Variants in CHSY3 observed in about 807,000 individuals in gnomAD.
The protein encoded by CHSY3 is N-acetylgalactosaminyl-proteoglycan 3-beta-glucuronosyltransferase 3.
CHSY3 carries 35 observed loss-of-function variants against 67.2 expected under a neutral mutation model. The observed-to-expected ratio is 0.52, with a 90% CI of 0.40 to 0.69. The LOEUF (loss-of-function observed/expected upper bound fraction) is 0.69. Ranked by LOEUF, CHSY3 falls within the 30% of genes least tolerant of loss-of-function variation. CHSY3 has a pLI of 0.00. For synonymous variants in CHSY3, 474 were observed against 434.7 expected, an observed-to-expected ratio of 1.09 and a Z score of -1.12; for missense variants, 1,069 against 1,138.5, an observed-to-expected ratio of 0.94 and a Z score of 0.88.
rs373598563 is a variant in CHSY3 at position 130,133,891 on chromosome 5, C to A, written c.1087-50338C>A. 9.3e-5 allele frequency among the ~76,000 whole-genome samples: 14 copies of A among 150,864 alleles called. No homozygotes were observed. In the South Asian group the frequency reaches 2.9e-3, roughly 32 times the overall value. On this transcript the variant is annotated intron_variant, in intron 2 of 2. Transcript: ENST00000305031. ...AACATACATTCCCTTTATTATGATA[C>A]CCACTTTCCTCATGTTGCTTAACTC... is the stretch of plus-strand genomic sequence containing the variant.
chr5:129,947,974 C>G (rs1291388242), intron 2 of CHSY3, among the ~76,000 whole-genome samples: 2 of 152,042 alleles, frequency 1.3e-5, no homozygotes, highest in Non-Finnish European at 1.5e-5. Flanking sequence ...TTGGGCTATT[C>G]AGCTATGTAT....
intron 2 of CHSY3, among the ~76,000 whole-genome samples, chr5:130,016,201 A>G (rs1256518002): frequency 1.3e-5 from 2 of 152,204 alleles, no homozygotes; most frequent in Non-Finnish European, 2.9e-5. Flanking sequence ...CCCATGTAAC[A>G]AATCTGCATA....
At chr5:130,043,734 C>A (rs1450456047) in intron 2 of CHSY3, among the ~76,000 whole-genome samples, 2 of 143,994 alleles carry the variant, frequency 1.4e-5, no homozygotes, top group Non-Finnish European at 3.1e-5. Context: ...TTTAAGAAAT[C>A]ATTGGAAAAA....
chr5:130,089,431 T>C (rs1214370713), intron 2 of CHSY3, among the ~76,000 whole-genome samples: 1 of 152,044 alleles, frequency 6.6e-6, no homozygotes, highest in Non-Finnish European at 1.5e-5. Context: ...AGAAACTTCA[T>C]TTTAATAGAT....
chr5:130,001,364 C>A (rs1001773081), intron 2 of CHSY3: 36 of 853,496 alleles, frequency 4.2e-5, no homozygotes, highest in Non-Finnish European at 4.4e-5. Flanking sequence ...TTTTAAAATT[C>A]TTCTTCCTCC....
intron 2 of CHSY3, among the ~76,000 whole-genome samples, chr5:130,175,219 A>G (rs1580800744): frequency 7.1e-6 from 1 of 140,864 alleles, no homozygotes; most frequent in South Asian, 3.1e-4. Context: ...ATAATAGACA[A>G]TCAGAGAGCC....
intron 2 of CHSY3, among the ~76,000 whole-genome samples, chr5:130,147,329 G>C (rs997175558): frequency 1.4e-4 from 22 of 152,134 alleles, no homozygotes; most frequent in African/African-American, 4.6e-4. Flanking sequence ...TGTATCAACT[G>C]AGCTTTATTT....
intron 2 of CHSY3, among the ~76,000 whole-genome samples, chr5:130,063,775 A>G (rs1368047666): frequency 2.4e-4 from 37 of 152,132 alleles, no homozygotes; most frequent in Non-Finnish European, 2.9e-5. Context: ...CTCACCTGGC[A>G]GAAGATGGAA....
At chr5:130,099,091 AAC>A (rs1359750668) in intron 2 of CHSY3, among the ~76,000 whole-genome samples, 1 of 152,244 alleles carries the variant, frequency 6.6e-6, no homozygotes, top group Non-Finnish European at 1.5e-5. Flanking sequence ...TTGGTAAATC[AAC>A]ACATTTATTT....
intron 2 of CHSY3, among the ~76,000 whole-genome samples, chr5:130,059,432 C>G (rs1765638554): frequency 1.3e-5 from 2 of 151,072 alleles, no homozygotes; most frequent in Non-Finnish European, 3.0e-5. Flanking sequence ...TCTTTCTTCC[C>G]CCTCTCCTTC....
At chr5:130,169,148 A>T (rs1334577969) in intron 2 of CHSY3, among the ~76,000 whole-genome samples, 3 of 152,054 alleles carry the variant, frequency 2.0e-5, no homozygotes, top group Non-Finnish European at 4.4e-5. Flanking sequence ...AGATTTCACT[A>T]ACCTTCTTCA....
At chr5:130,096,838 A>G (rs1343140344) in intron 2 of CHSY3, among the ~76,000 whole-genome samples, 1 of 152,152 alleles carries the variant, frequency 6.6e-6, no homozygotes, top group East Asian at 1.9e-4. Flanking sequence ...GGAGGAGGAG[A>G]ATCTGGAAGG....
At chr5:129,996,357 C>A (rs1443419653) in intron 2 of CHSY3, among the ~76,000 whole-genome samples, 1 of 152,110 alleles carries the variant, frequency 6.6e-6, no homozygotes, top group Non-Finnish European at 1.5e-5. Context: ...GGACTGTATT[C>A]ATACACCAAA....
intron 2 of CHSY3, among the ~76,000 whole-genome samples, chr5:129,949,350 A>G (rs565077642): frequency 6.6e-6 from 1 of 152,310 alleles, no homozygotes; most frequent in East Asian, 1.9e-4. Flanking sequence ...AAACCTAGAA[A>G]TAATGAATAA....
intron 2 of CHSY3, among the ~76,000 whole-genome samples, chr5:130,101,470 A>G (rs912123392): frequency 2.6e-5 from 4 of 152,112 alleles, no homozygotes; most frequent in African/African-American, 9.7e-5. Flanking sequence ...CTGTTTTTAA[A>G]TGACAAAAAT....
chr5:129,913,515 A>G (rs1193810346), intron 2 of CHSY3, among the ~76,000 whole-genome samples: 1 of 152,176 alleles, frequency 6.6e-6, no homozygotes, highest in Admixed American at 6.5e-5. Context: ...AAAATTATTT[A>G]TACATTCATG....
At chr5:130,077,973 A>G (rs1766327014) in intron 2 of CHSY3, among the ~76,000 whole-genome samples, 2 of 152,246 alleles carry the variant, frequency 1.3e-5, no homozygotes, top group South Asian at 4.1e-4. Flanking sequence ...ACACCTATTG[A>G]GCACTTAATA....
chr5:130,155,443 A>T (rs1769352279), intron 2 of CHSY3, among the ~76,000 whole-genome samples: 1 of 152,216 alleles, frequency 6.6e-6, no homozygotes, highest in Non-Finnish European at 1.5e-5. Flanking sequence ...CTGGCAGCAC[A>T]GGAATGAAGT....
chr5:130,055,405 A>G (rs969586191), intron 2 of CHSY3, among the ~76,000 whole-genome samples: 1 of 135,988 alleles, frequency 7.4e-6, no homozygotes, highest in Non-Finnish European at 1.7e-5. Context: ...ACATCCATTA[A>G]TAACTAGTGT....
Sources: allele counts gnomAD v4.1 joint callset (sites outside exome capture counted in the v4.1 genomes callset), GRCh38; gene constraint gnomAD v4.1.1; transcripts MANE v1.5; gene names NCBI Gene and HGNC (gene_info 2026-07-23, HGNC 2026-07-21).